The following GRB10 variants were observed in gnomAD, a reference collection of about 807,000 sequenced individuals.
GRB10 encodes the protein growth factor receptor-bound protein 10.
A neutral mutation model predicts 80.9 loss-of-function variants in GRB10; 20 were observed. The observed-to-expected ratio is 0.25, with a 90% confidence interval of 0.17 to 0.36. The LOEUF (loss-of-function observed/expected upper bound fraction) is 0.36. Among genes scored for constraint, GRB10 ranks in the 10% least tolerant of loss-of-function variants. The probability of loss-of-function intolerance (pLI) is 1.00; values close to 1 mark genes in which losing one functional copy is unlikely to be tolerated. For synonymous variants in GRB10, 291 were observed against 291.5 expected (o/e 1.00, Z 0.02); for missense variants, 548 against 747.7 (o/e 0.73, Z 3.12).
chr7:50,698,948 T>A (rs2063796252), intron 5 of GRB10, among the ~76,000 whole-genome samples: 1 of 152,246 alleles, frequency 6.6e-6, no homozygotes, highest in Non-Finnish European at 1.5e-5. Flanking sequence ...AGCTCTCCAC[T>A]TACTCAGGTT....
At chr7:50,722,856 C>T (rs534086661) in intron 4 of GRB10, among the ~76,000 whole-genome samples, 7 of 152,222 alleles carry the variant, frequency 4.6e-5, no homozygotes, top group African/African-American at 1.7e-4. Flanking sequence ...CCATTTCACC[C>T]ACCTTAGGTA....
chr7:50,737,172 T>A (rs1409047246), intron 3 of GRB10, among the ~76,000 whole-genome samples: 1 of 152,214 alleles, frequency 6.6e-6, no homozygotes, highest in Non-Finnish European at 1.5e-5. Context: ...ATAAATGATA[T>A]GGTTTGGCTC....
chr7:50,692,406 C>T (rs1256600186), intron 5 of GRB10, among the ~76,000 whole-genome samples: 1 of 152,078 alleles, frequency 6.6e-6, no homozygotes, highest in African/African-American at 2.4e-5. Context: ...AATCATGACA[C>T]AATATGCTGT....
chr7:50,719,583 A>G (rs748507342), intron 4 of GRB10, among the ~76,000 whole-genome samples: 20 of 152,250 alleles, frequency 1.3e-4, no homozygotes, highest in Non-Finnish European at 2.9e-4. Flanking sequence ...TGGGGGGCTT[A>G]AAAACCTAGA....
intron 12 of GRB10, among the ~76,000 whole-genome samples, chr7:50,613,260 G>A (rs931082990): frequency 6.6e-6 from 1 of 152,126 alleles, no homozygotes; most frequent in African/African-American, 2.4e-5. Flanking sequence ...GTTGCCCCCA[G>A]GCCACTGAGA....
At chr7:50,659,629 C>T (rs904767203) in intron 7 of GRB10, among the ~76,000 whole-genome samples, 3 of 152,142 alleles carry the variant, frequency 2.0e-5, no homozygotes, top group Admixed American at 6.5e-5. Context: ...GTCTCTTCTC[C>T]GGGTAGCCCA....
intron 1 of GRB10, among the ~76,000 whole-genome samples, chr7:50,790,273 A>C (rs1385189198): frequency 2.6e-5 from 4 of 152,244 alleles, no homozygotes; most frequent in Non-Finnish European, 4.4e-5. Context: ...CTAGAACTCC[A>C]AAGTACCTGT....
At chr7:50,660,244 G>A (rs952034765) in intron 7 of GRB10, among the ~76,000 whole-genome samples, 17 of 152,138 alleles carry the variant, frequency 1.1e-4, no homozygotes, top group Admixed American at 3.3e-4. Context: ...GCGCAACTGC[G>A]GTGCCGCATT....
chr7:50,636,782 T>C (rs1481145082), intron 7 of GRB10, among the ~76,000 whole-genome samples: 1 of 152,124 alleles, frequency 6.6e-6, no homozygotes, highest in Non-Finnish European at 1.5e-5. Flanking sequence ...TCATACTGAA[T>C]AGGGAAGAGT....
chr7:50,654,239 G>A (rs992672990), intron 7 of GRB10, among the ~76,000 whole-genome samples: 1 of 152,236 alleles, frequency 6.6e-6, no homozygotes, highest in African/African-American at 2.4e-5. Context: ...GGGCACCACG[G>A]GGTCCCAGGG....
rs547447040 is a variant in GRB10 at position 50,652,041 on chromosome 7, G to A, written c.504+17681C>T. Among the ~76,000 whole-genome samples, 4 of 152,202 alleles carry A rather than the reference G, an allele frequency of 2.6e-5. No individual in the cohort carries two copies. In the South Asian group the frequency reaches 8.3e-4, roughly 32 times the overall value. On this transcript the variant is annotated intron_variant, in intron 7 of 18. Transcript: ENST00000401949. ...TCCATGTACTGTCCCCACTTGGAAGGGCCCTGATCTATTCTGGAAATTGTA... is the reference window on the plus strand; with the variant it reads ...TCCATGTACTGTCCCCACTTGGAAGAGCCCTGATCTATTCTGGAAATTGTA...
chr7:50,631,449 C>G (rs1290207565), intron 7 of GRB10, among the ~76,000 whole-genome samples: 1 of 152,180 alleles, frequency 6.6e-6, no homozygotes, highest in Non-Finnish European at 1.5e-5. Context: ...GGGCCAGCAG[C>G]TCTTGCGACC....
chr7:50,627,509 T>C, intron 7 of GRB10, among the ~76,000 whole-genome samples: 1 of 151,840 alleles, frequency 6.6e-6, no homozygotes, highest in East Asian at 1.9e-4. Context: ...AGGCTCAGGG[T>C]GGAGTGGAGA....
At chr7:50,753,289 C>T (rs2074462473) in intron 3 of GRB10, among the ~76,000 whole-genome samples, 1 of 152,246 alleles carries the variant, frequency 6.6e-6, no homozygotes, top group South Asian at 2.1e-4. Flanking sequence ...TGGGCTTCAA[C>T]TGTTAGGTCA....
chr7:50,709,062 CTTAA>C (rs1321425022), intron 4 of GRB10, among the ~76,000 whole-genome samples: 1 of 152,196 alleles, frequency 6.6e-6, no homozygotes, highest in Non-Finnish European at 1.5e-5. Context: ...AGCCAAGCTC[CTTAA>C]TTAAAGTCCC....
intron 4 of GRB10, among the ~76,000 whole-genome samples, chr7:50,716,595 C>A (rs762354601): frequency 1.3e-5 from 2 of 152,218 alleles, no homozygotes; most frequent in East Asian, 3.9e-4. Context: ...GAAGGAAAAG[C>A]AAAGCATGAG....
chr7:50,656,025 G>T (rs970741778), intron 7 of GRB10, among the ~76,000 whole-genome samples: 6 of 152,214 alleles, frequency 3.9e-5, no homozygotes, highest in African/African-American at 1.2e-4. Flanking sequence ...CAGAGGGCAA[G>T]GCTGTGTCTG....
At chr7:50,666,327 G>A (rs753875706) in intron 7 of GRB10, among the ~76,000 whole-genome samples, 6 of 152,188 alleles carry the variant, frequency 3.9e-5, no homozygotes, top group East Asian at 3.9e-4. Context: ...CAAGGTGAGC[G>A]AAGGCAGAGA....
chr7:50,661,653 C>A (rs540933129), intron 7 of GRB10, among the ~76,000 whole-genome samples: 2 of 152,332 alleles, frequency 1.3e-5, no homozygotes, highest in Admixed American at 6.5e-5. Flanking sequence ...GGAGTCAGTT[C>A]TCTGCCTGCT....
Sources: allele counts gnomAD v4.1 joint callset (sites outside exome capture counted in the v4.1 genomes callset), GRCh38; gene constraint gnomAD v4.1.1; transcripts MANE v1.5; gene names NCBI Gene and HGNC (gene_info 2026-07-23, HGNC 2026-07-21).